Variants in TRMT1L observed in about 807,000 individuals in gnomAD.
The protein encoded by TRMT1L is tRNA methyltransferase 1L.
Under a neutral mutation model 81.6 loss-of-function variants are expected in TRMT1L, and 28 were observed. The ratio of observed to expected loss-of-function variants is 0.34; its 90% CI spans 0.25 to 0.47. TRMT1L has a LOEUF of 0.47. TRMT1L is among the 20% of genes least tolerant of loss of function. The pLI is 1.00. For synonymous variants in TRMT1L, 301 were observed against 303.2 expected, an observed-to-expected ratio of 0.99 and a Z score of 0.07; for missense variants, 739 against 877.1, an observed-to-expected ratio of 0.84 and a Z score of 1.99.
intron 4 of TRMT1L, 38 bp from the exon 5 acceptor site, chr1:185,145,606 G>T: frequency 6.3e-7 from 1 of 1,597,052 alleles, no homozygotes; most frequent in Non-Finnish European, 8.6e-7. Context: ...AAGTTGCTAA[G>T]ACAATGAAAC....
rs752695460 is a variant in TRMT1L at position 185,156,709 on chromosome 1, C to T, written c.4G>A (p.Glu2Lys). 2.6e-5 allele frequency: 42 copies of T among 1,612,594 alleles called. No individual in the cohort carries two copies. Among genetic ancestry groups the T allele is most frequent in the Non-Finnish European group, 3.3e-5 (39 of 1,179,848 alleles). ...AGCAGCTCCTCCTCCGCCATATTCT[C>T]CATAGTTACCGCCTCCGTGCCAAGC... M[E>K]NMAEEELLPL... Residue 2 changes from glutamate to lysine, a missense_variant, in exon 1 of 15, where the codon GAG becomes AAG. This residue lies in a region of TRMT1L where 209 missense variants were observed against 165.4 expected (regional missense o/e 1.26). Coordinates refer to ENST00000367506, the MANE Select transcript of TRMT1L (RefSeq NM_030934.5).
chr1:185,138,671 T>G (rs939145196), intron 9 of TRMT1L, among the ~76,000 whole-genome samples: 8 of 152,244 alleles, frequency 5.3e-5, no homozygotes, highest in African/African-American at 1.9e-4. Flanking sequence ...GAAATCCTGG[T>G]GAGAAATGGA....
At chr1:185,129,382 T>C (rs1169536831) in intron 10 of TRMT1L, among the ~76,000 whole-genome samples, 1 of 152,212 alleles carries the variant, frequency 6.6e-6, no homozygotes, top group Non-Finnish European at 1.5e-5. Flanking sequence ...TAGAAGAATC[T>C]AATTTGGTTT....
At chr1:185,151,665 A>G (rs931263822) in intron 2 of TRMT1L, among the ~76,000 whole-genome samples, 160 bp downstream of exon 2, 4 of 152,196 alleles carry the variant, frequency 2.6e-5, no homozygotes, top group African/African-American at 9.7e-5. Context: ...AACTTTGCAC[A>G]TAAGCGGTTG....
chr1:185,125,553 TCAA>T (rs1652603388), intron 11 of TRMT1L, among the ~76,000 whole-genome samples: 2 of 152,024 alleles, frequency 1.3e-5, no homozygotes, highest in Admixed American at 6.6e-5. Flanking sequence ...CTTAATTAAG[TCAA>T]CAAGAATCTA....
chr1:185,132,545 TAA>T (rs1297721421), intron 10 of TRMT1L, among the ~76,000 whole-genome samples: 8 of 150,428 alleles, frequency 5.3e-5, no homozygotes, highest in Non-Finnish European at 8.9e-5. Flanking sequence ...AAAATAAAAA[TAA>T]AAATAAATAA....
intron 1 of TRMT1L, among the ~76,000 whole-genome samples, chr1:185,156,033 G>A (rs192369549): frequency 1.4e-4 from 21 of 152,316 alleles, no homozygotes; most frequent in Middle Eastern, 3.4e-3. Context: ...AAAGCTAGTT[G>A]ACAGTAATGG....
Position 185,156,492 on chromosome 1 carries a change from T to C in TRMT1L, c.221A>G (p.Glu74Gly). ...ALSPSLASAP[E>G]EAKSKRHISI... ...TCTGCACTTACTGCTTTTAGCCTCC[T>C]CAGGGGCAGAGGCTAGGGACGGGGA... The change falls in exon 1 of 15, where the codon GAG (glutamate) becomes GGG (glycine). Residue 74 changes from glutamate (E) to glycine (G), a missense_variant. Physicochemically the swap from Glu to Gly is moderately conservative, Grantham distance 98. Coordinates refer to ENST00000367506, the MANE Select transcript of TRMT1L (RefSeq NM_030934.5). 1 of 1,613,914 alleles carries C rather than the reference T, an allele frequency of 6.2e-7. No individual in the cohort carries two copies. Among genetic ancestry groups the C allele is most frequent in the Non-Finnish European group, 8.5e-7 (1 of 1,179,884 alleles).
At chr1:185,127,383 G>A (rs947957984) in intron 11 of TRMT1L, among the ~76,000 whole-genome samples, 3 of 151,788 alleles carry the variant, frequency 2.0e-5, no homozygotes, top group Admixed American at 6.5e-5. Flanking sequence ...GGTTTAGTAG[G>A]TGCTTAAGCC....
At chr1:185,151,362 C>T (rs913445501) in intron 2 of TRMT1L, among the ~76,000 whole-genome samples, 2 of 151,938 alleles carry the variant, frequency 1.3e-5, no homozygotes, top group South Asian at 4.1e-4. Context: ...CTGTCTACTT[C>T]AAAAAAACCA....
At position 185,120,491 on chromosome 1, in the gene TRMT1L, TCATTA is replaced by T; in HGVS notation, c.1836_1840del (p.Ser612ArgfsTer13). Reference sequence around the variant, plus strand: ...CTTCTTGCCTAAATTTGTGATCATTTCATTACTTTTTCTCTTTCCTGCAACATACA... The same window carrying T: ...CTTCTTGCCTAAATTTGTGATCATTTCTTTTTCTCTTTCCTGCAACATACA... On this transcript the variant is annotated frameshift_variant, in exon 14 of 15. Transcript: ENST00000367506. LOFTEE classifies it high-confidence loss of function. 1 of 1,587,356 alleles carries T rather than the reference TCATTA, an allele frequency of 6.3e-7. No individual in the cohort carries two copies.
chr1:185,137,914 A>C, intron 9 of TRMT1L, 118 bp from the exon 10 acceptor site: 1 of 941,522 alleles, frequency 1.1e-6, no homozygotes, highest in African/African-American at 1.7e-5. Flanking sequence ...ATCAAGAAAA[A>C]TTCAATTCTC....
chr1:185,142,859 G>A (rs1276701836), intron 7 of TRMT1L, among the ~76,000 whole-genome samples: 4 of 152,236 alleles, frequency 2.6e-5, no homozygotes, highest in South Asian at 2.1e-4. Flanking sequence ...AGATTTAAAA[G>A]AGACTTAGAC....
chr1:185,126,106 T>A (rs1652621864), intron 11 of TRMT1L, among the ~76,000 whole-genome samples: 1 of 152,122 alleles, frequency 6.6e-6, no homozygotes, highest in Admixed American at 6.5e-5. Context: ...TATGTAATCT[T>A]TTTATTAAGA....
At chr1:185,152,770 A>C (rs569155098) in intron 1 of TRMT1L, among the ~76,000 whole-genome samples, 1 of 152,348 alleles carries the variant, frequency 6.6e-6, no homozygotes, top group East Asian at 1.9e-4. Context: ...ATGGTATATT[A>C]AGCAAACAAG....
At position 185,119,768 on chromosome 1, in the gene TRMT1L, G is replaced by C. The variant is rs1476007882; in HGVS notation, c.*251C>G. On this transcript the variant is annotated 3_prime_UTR_variant, in exon 15 of 15. Transcript: ENST00000367506. The stretch of plus-strand genomic sequence containing the variant: ...TTTCTGAATTATTAAGCAGTAGGGT[G>C]ATCTCAGTGAGACTTGGCTTCATAT... 2 of 368,088 alleles carry C rather than the reference G, an allele frequency of 5.4e-6. No homozygotes were observed. The highest frequency in any genetic ancestry group is 2.0e-5 in the African/African-American group (1 of 48,850). The allele number at this position is 368,088 out of a possible 1,614,324, so 22.8% of individuals were successfully genotyped here.
intron 11 of TRMT1L, among the ~76,000 whole-genome samples, chr1:185,126,259 T>A (rs1343111876): frequency 6.6e-6 from 1 of 152,188 alleles, no homozygotes; most frequent in African/African-American, 2.4e-5. Flanking sequence ...AATTACTACT[T>A]TTCAGTCTTA....
At chr1:185,154,484 G>C (rs954735813) in intron 1 of TRMT1L, among the ~76,000 whole-genome samples, 2 of 152,162 alleles carry the variant, frequency 1.3e-5, no homozygotes, top group African/African-American at 4.8e-5. Context: ...AAAATCTTTT[G>C]CTAGGTCAGA....
At position 185,151,927 on chromosome 1, in the gene TRMT1L, T is replaced by A; in HGVS notation, c.244A>T (p.Ile82Phe). The A allele has an allele frequency of 6.3e-7, 1 of 1,578,790 alleles. No homozygotes were observed. The highest frequency in any genetic ancestry group is 8.6e-7 in the Non-Finnish European group (1 of 1,168,980). ...TCAGCAAGCTGCCTTTGAATTGAGA[T>A]GTGTCTCTCTGAAAAAAAAAATTGA... is the stretch of plus-strand genomic sequence containing the variant. ...APEEAKSKRH[I>F]SIQRQLADLE... Residue 82 changes from isoleucine (I) to phenylalanine (F), a missense_variant, in exon 2 of 15, where the codon ATC (isoleucine) becomes TTC (phenylalanine). Transcript: ENST00000367506.
Sources: gnomAD v4.1 joint callset for allele counts (sites outside exome capture counted in the v4.1 genomes callset) on GRCh38, gnomAD v4.1.1 for gene constraint, gnomAD v4.1.1 regional missense constraint, MANE v1.5 for transcripts, NCBI Gene and HGNC (gene_info 2026-07-23, HGNC 2026-07-21) for gene names.